The following ZSCAN25 variants were observed in gnomAD, a reference collection of about 807,000 sequenced individuals.
ZSCAN25 encodes the protein zinc finger and SCAN domain containing 25.
ZSCAN25 carries 27 observed loss-of-function variants against 38.7 expected under a neutral mutation model. The ratio of observed to expected loss-of-function variants is 0.70; its 90% CI spans 0.51 to 0.96. ZSCAN25 has a LOEUF of 0.96. Among genes scored for constraint, ZSCAN25 ranks in the 40% least tolerant of loss-of-function variants. The probability of loss-of-function intolerance (pLI) is 0.00; values close to 1 mark genes in which losing one functional copy is unlikely to be tolerated. For missense variants in ZSCAN25, 637 were observed against 705.9 expected, an observed-to-expected ratio of 0.90 and a Z score of 1.11; for synonymous variants, 273 against 277.7, an observed-to-expected ratio of 0.98 and a Z score of 0.17.
chr7:99,662,399 CA>C, the ZSCAN25 span, among the ~76,000 whole-genome samples: 1 of 152,212 alleles, frequency 6.6e-6, no homozygotes, highest in African/African-American at 2.4e-5. This position sits in a 1 kb window ranked among gnomAD's most constrained non-coding sequence, Gnocchi z 4.3. Flanking sequence ...TAAAACTTTG[CA>C]GTAGATTAAC....
At chr7:99,707,288 C>T in the ZSCAN25 span, among the ~76,000 whole-genome samples, 1 of 152,086 alleles carries the variant, frequency 6.6e-6, no homozygotes, top group African/African-American at 2.4e-5. Context: ...CTTGGCTTCA[C>T]ATGAGAAGCA....
chr7:99,657,533 G>A, the ZSCAN25 span, among the ~76,000 whole-genome samples: 1 of 152,344 alleles, frequency 6.6e-6, no homozygotes. Context: ...TAGGTGTGGT[G>A]TGGTGCTGAA....
At chr7:99,695,514 G>A in the ZSCAN25 span, among the ~76,000 whole-genome samples, 1 of 152,148 alleles carries the variant, frequency 6.6e-6, no homozygotes. Context: ...TGAACATCAG[G>A]TTGCCGATAT....
At chr7:99,628,134 G>A (rs1807656897) in intron 7 of ZSCAN25, among the ~76,000 whole-genome samples, 1 of 151,910 alleles carries the variant, frequency 6.6e-6, no homozygotes, top group Admixed American at 6.6e-5. Context: ...GCCAGCGCTG[G>A]ATCCAAAAAA....
the ZSCAN25 span, chr7:99,714,770 G>C: frequency 6.4e-7 from 1 of 1,569,340 alleles, no homozygotes. Flanking sequence ...CTACCAATCA[G>C]AAGAGTGAAA....
Position 99,629,581 on chromosome 7 carries a change from G to T in ZSCAN25, c.1196G>T (p.Gly399Val). The T allele has an allele frequency of 6.2e-7, 1 of 1,614,192 alleles. No individual in the cohort carries two copies. The highest frequency in any genetic ancestry group is 2.2e-5 in the East Asian group (1 of 44,886). ...ATGAAGCACCAGAGAACCCACCTGG[G>T]AAAGAGGCCCTACGTGTGCAGCGAG... ...YLMKHQRTHL[G>V]KRPYVCSECW... is the part of the protein sequence containing the mutation. The change falls in exon 8 of 8, where the codon GGA (glycine) becomes GTA (valine). Residue 399 changes from glycine to valine, a missense_variant. Transcript: ENST00000394152. The surrounding 1 kb of genome is among the most constrained non-coding windows in gnomAD (Gnocchi z 5.6).
the ZSCAN25 span, among the ~76,000 whole-genome samples, chr7:99,700,497 C>T: frequency 4.6e-5 from 7 of 152,244 alleles, no homozygotes; most frequent in African/African-American, 1.7e-4. Flanking sequence ...ATGACTCCTA[C>T]ACATCCTTGC....
chr7:99,652,869 C>G, the ZSCAN25 span: 1 of 934,092 alleles, frequency 1.1e-6, no homozygotes. Flanking sequence ...ATTAGAAGCT[C>G]CAGAGAATAA....
the ZSCAN25 span, among the ~76,000 whole-genome samples, chr7:99,695,271 C>A: frequency 6.6e-5 from 10 of 152,044 alleles, no homozygotes; most frequent in African/African-American, 2.4e-4. Context: ...ACTTGAGCTC[C>A]CTAATAAAGT....
chr7:99,682,469 C>G, the ZSCAN25 span, among the ~76,000 whole-genome samples: 1 of 152,122 alleles, frequency 6.6e-6, no homozygotes, highest in Non-Finnish European at 1.5e-5. Flanking sequence ...GTTCTCTATT[C>G]TATTTCATTG....
At chr7:99,715,994 T>C in the ZSCAN25 span, 1 of 1,609,814 alleles carries the variant, frequency 6.2e-7, no homozygotes, top group Non-Finnish European at 8.5e-7. Context: ...ACATGTCCAG[T>C]CAAGACAGAC....
intron 7 of ZSCAN25, among the ~76,000 whole-genome samples, chr7:99,628,473 C>A (rs1167949412): frequency 6.6e-6 from 1 of 152,114 alleles, no homozygotes; most frequent in African/African-American, 2.4e-5. Context: ...TAAGAAGGAT[C>A]AGAGTGAGGA....
At chr7:99,695,704 T>G in the ZSCAN25 span, 14 of 1,550,536 alleles carry the variant, frequency 9.0e-6, no homozygotes, top group Non-Finnish European at 1.2e-5. Context: ...AGCTGCTCTC[T>G]CCAATCATAA....
At chr7:99,646,967 A>T in the ZSCAN25 span, among the ~76,000 whole-genome samples, 2 of 152,202 alleles carry the variant, frequency 1.3e-5, no homozygotes, top group African/African-American at 4.8e-5. Context: ...TGATACATCC[A>T]TTCCAATCTA....
chr7:99,647,870 C>T, the ZSCAN25 span: 8 of 984,942 alleles, frequency 8.1e-6, no homozygotes, highest in Non-Finnish European at 9.6e-6. Context: ...GGGATTTTAT[C>T]ACTTCGCTTA....
At chr7:99,665,378 C>A in the ZSCAN25 span, 1 of 1,586,256 alleles carries the variant, frequency 6.3e-7, no homozygotes, top group Non-Finnish European at 8.6e-7. Flanking sequence ...ACTATACATG[C>A]AGCAAGAAAC....
intron 1 of ZSCAN25, among the ~76,000 whole-genome samples, chr7:99,617,259 C>A (rs1170537561): frequency 6.6e-6 from 1 of 152,230 alleles, no homozygotes; most frequent in Non-Finnish European, 1.5e-5. Context: ...CGAGGCTGAT[C>A]CCGCTCTGCC....
chr7:99,697,731 G>A, the ZSCAN25 span, among the ~76,000 whole-genome samples: 1 of 152,094 alleles, frequency 6.6e-6, no homozygotes, highest in Non-Finnish European at 1.5e-5. Flanking sequence ...TGGCATGGAG[G>A]GTCGTGTTTG....
chr7:99,674,903 C>G, the ZSCAN25 span, among the ~76,000 whole-genome samples: 1 of 152,210 alleles, frequency 6.6e-6, no homozygotes, highest in Non-Finnish European at 1.5e-5. Flanking sequence ...CTCCTAACCC[C>G]GTGAATGATC....
Sources: allele counts gnomAD v4.1 joint callset (sites outside exome capture counted in the v4.1 genomes callset), GRCh38; gene constraint gnomAD v4.1.1; non-coding constraint Gnocchi (gnomAD v3.1); transcripts MANE v1.5; gene names NCBI Gene and HGNC (gene_info 2026-07-23, HGNC 2026-07-21).